The following CHST15 variants were observed in gnomAD, a reference collection of about 807,000 sequenced individuals.
The protein encoded by CHST15 is B cell RAG associated protein (GALNAC4S-6ST).
CHST15 carries 30 observed loss-of-function variants against 53.6 expected under a neutral mutation model. The ratio of observed to expected loss-of-function variants is 0.56; its 90% CI spans 0.42 to 0.76. The LOEUF is 0.76. Among genes scored for constraint, CHST15 ranks in the 30% least tolerant of loss-of-function variants. CHST15 has a pLI of 0.00. For missense variants in CHST15, 627 were observed against 740.5 expected (o/e 0.85, Z 1.78); for synonymous variants, 296 against 289.8 (o/e 1.02, Z -0.22).
rs572231820 is a variant in CHST15, at chr10:124,041,864, C to T, written c.1033+437G>A. Among the ~76,000 whole-genome samples the T allele has an allele frequency of 4.6e-5, 7 of 152,312 alleles. No individual in the cohort carries two copies. The South Asian group carries it at 1.5e-3, about 32-fold the overall frequency. On this transcript the variant is annotated intron_variant, in intron 4 of 7. Coordinates refer to ENST00000435907, the MANE Select transcript of CHST15 (RefSeq NM_001270764.2). ...AGAGCTGAGTCTATTTCAGGAGAAG[C>T]TGCCTCCGTCTTATATGGTCCCAGT...
At position 124,009,713 on chromosome 10, in the gene CHST15, G is replaced by A. The variant is rs965434829; in HGVS notation, c.*436C>T. The A allele has an allele frequency of 3.9e-6, 4 of 1,024,584 alleles. No homozygotes were observed. The highest frequency in any genetic ancestry group is 4.7e-6 in the Non-Finnish European group (4 of 852,944). The allele number at this position is 1,024,584 out of a possible 1,614,324, so 63.5% of individuals were successfully genotyped here. On this transcript the variant is annotated 3_prime_UTR_variant, in exon 8 of 8. Coordinates refer to ENST00000435907, the MANE Select transcript of CHST15 (RefSeq NM_001270764.2). ...CACGGCGAGACCCCATCTCTAGGGG[G>A]AAAAAAAGGGAACGTGAAGTGTAAG...
In CHST15 at chr10:124,063,569, A is replaced by C. The variant is rs564574057; in HGVS notation, c.-512-16845T>G. ...CAAGACACTGAACTTGGATATGCCC[A>C]GTCCATCAAAAATGAATCTTTTTCT... On this transcript the variant is annotated intron_variant, in intron 1 of 7. Transcript: ENST00000435907. Among the ~76,000 whole-genome samples the C allele has an allele frequency of 2.1e-3, 326 of 152,356 alleles. 1 individual carries two copies. Among genetic ancestry groups the C allele is most frequent in the African/African-American group, 7.3e-3 (303 of 41,582 alleles).
chr10:124,071,200 G>A (rs557636093), intron 1 of CHST15, among the ~76,000 whole-genome samples: 8 of 152,350 alleles, frequency 5.3e-5, no homozygotes, highest in African/African-American at 1.4e-4. Context: ...AGCCCAGAGC[G>A]TTAGAGAAGA....
chr10:124,044,046 G>A (rs1057016788), intron 3 of CHST15, among the ~76,000 whole-genome samples: 1 of 151,634 alleles, frequency 6.6e-6, no homozygotes, highest in South Asian at 2.1e-4. Context: ...ACAGAGCCAA[G>A]GAACAGCACA....
intron 5 of CHST15, among the ~76,000 whole-genome samples, chr10:124,027,802 TC>T (rs1162738674): frequency 1.3e-5 from 2 of 152,244 alleles, no homozygotes; most frequent in South Asian, 4.1e-4. Context: ...CCCAGGAAGC[TC>T]CAGGGCAGGG....
chr10:124,038,096 T>G (rs572500337), intron 5 of CHST15, among the ~76,000 whole-genome samples: 2 of 150,510 alleles, frequency 1.3e-5, no homozygotes, highest in Non-Finnish European at 3.0e-5. Context: ...TATTTTTGTT[T>G]GTTTTTATTT....
At chr10:124,090,390 C>G (rs183261686) in intron 1 of CHST15, among the ~76,000 whole-genome samples, 2 of 152,314 alleles carry the variant, frequency 1.3e-5, no homozygotes, top group Admixed American at 1.3e-4. Flanking sequence ...CAGCCCCCTC[C>G]ACTAGCAGGG....
rs1202392790 is a variant in CHST15 at position 124,044,516 on chromosome 10, T to C, written c.886+64A>G. The C allele has an allele frequency of 3.0e-6, 4 of 1,329,618 alleles. No individual in the cohort carries two copies. The East Asian group carries it at 1.1e-4, about 36-fold the overall frequency. The allele number at this position is 1,329,618 out of a possible 1,614,324, so 82.4% of individuals were successfully genotyped here. The stretch of plus-strand genomic sequence containing the variant: ...TCGCCCCCCAACCCCAGCGCTAACG[T>C]TGCGGGAGGAATGAACGAATGAAGG... On this transcript the variant is annotated intron_variant, in intron 3 of 7. Transcript: ENST00000435907.
rs1190411343 is a variant in CHST15 at position 124,066,823 on chromosome 10, G to A, written c.-512-20099C>T. Among the ~76,000 whole-genome samples the A allele has an allele frequency of 8.5e-5, 13 of 152,314 alleles. No individual in the cohort carries two copies. The South Asian group carries it at 1.9e-3, about 22-fold the overall frequency. ...AGCCACAGCTCATTTCCTGGGCTGC[G>A]TCTCCCTGTTCCCCTGAGCAACCAA... On this transcript the variant is annotated intron_variant, in intron 1 of 7. Coordinates refer to ENST00000435907, the MANE Select transcript of CHST15 (RefSeq NM_001270764.2).
At chr10:124,089,228 C>T (rs1470729110) in intron 1 of CHST15, among the ~76,000 whole-genome samples, 1 of 152,224 alleles carries the variant, frequency 6.6e-6, no homozygotes, top group Non-Finnish European at 1.5e-5. Flanking sequence ...TTCCAAATCA[C>T]AAGCTGCTAA....
intron 1 of CHST15, among the ~76,000 whole-genome samples, chr10:124,066,195 G>A (rs967930513): frequency 1.3e-5 from 2 of 152,264 alleles, no homozygotes; most frequent in Admixed American, 1.3e-4. Flanking sequence ...ACTAGATTTG[G>A]GGGTTTAAAA....
In CHST15 at chr10:124,009,727, G is replaced by A. The variant is rs1475148817; in HGVS notation, c.*422C>T. Reference sequence around the variant, plus strand: ...ATCTCTAGGGGGAAAAAAAGGGAACGTGAAGTGTAAGTTCCAGCCAGGCCT... The same window carrying A: ...ATCTCTAGGGGGAAAAAAAGGGAACATGAAGTGTAAGTTCCAGCCAGGCCT... On this transcript the variant is annotated 3_prime_UTR_variant, in exon 8 of 8. Transcript: ENST00000435907. 8 of 1,026,574 alleles carry A rather than the reference G, an allele frequency of 7.8e-6. No individual in the cohort carries two copies. The highest frequency in any genetic ancestry group is 5.0e-5 in the Admixed American group (1 of 19,814). 63.6% of individuals were successfully genotyped at this position (1,026,574 alleles called of 1,614,324 possible).
intron 6 of CHST15, chr10:124,020,354 A>G (rs1946729486): frequency 1.0e-6 from 1 of 985,316 alleles, no homozygotes; most frequent in African/African-American, 1.7e-5. Context: ...CCTACCTGGC[A>G]CCAGAGCAGG....
At chr10:124,021,593 C>T (rs192095570) in intron 5 of CHST15, among the ~76,000 whole-genome samples, 181 bp from the exon 6 acceptor site, 155 of 152,288 alleles carry the variant, frequency 1.0e-3, no homozygotes, top group African/African-American at 3.2e-3. Flanking sequence ...CCGCCCTTCT[C>T]GTGGCCACCT....
chr10:124,035,861 C>T (rs1006558058), intron 5 of CHST15, among the ~76,000 whole-genome samples: 3 of 152,234 alleles, frequency 2.0e-5, no homozygotes, highest in African/African-American at 7.2e-5. Flanking sequence ...TCACCTCCTA[C>T]TCTGCAGAAC....
chr10:124,080,521 C>G (rs1163546986), intron 1 of CHST15, among the ~76,000 whole-genome samples: 2 of 152,198 alleles, frequency 1.3e-5, no homozygotes, highest in Non-Finnish European at 2.9e-5. Context: ...CACTGGGACC[C>G]TGTGTGTCTA....
intron 1 of CHST15, among the ~76,000 whole-genome samples, chr10:124,086,133 C>G (rs1217645249): frequency 2.0e-5 from 3 of 152,230 alleles, no homozygotes; most frequent in Non-Finnish European, 2.9e-5. Flanking sequence ...TCACCATTAC[C>G]TCAATCATGC....
At chr10:124,014,948 C>T (rs1477625528) in intron 6 of CHST15, among the ~76,000 whole-genome samples, 2 of 152,156 alleles carry the variant, frequency 1.3e-5, no homozygotes, top group East Asian at 1.9e-4. Flanking sequence ...AGCCAGGAAG[C>T]GGAGGAAAAG....
chr10:124,009,979 T>G lies in CHST15; in HGVS notation c.*170A>C. Reference sequence around the variant, plus strand: ...CTGTGAGGGGTCCATTGCTGAGCTCTCGAACATCACGAAGGAAATTCCAAA... The same window carrying G: ...CTGTGAGGGGTCCATTGCTGAGCTCGCGAACATCACGAAGGAAATTCCAAA... On this transcript the variant is annotated 3_prime_UTR_variant, in exon 8 of 8. Transcript: ENST00000435907. 1 of 1,456,678 alleles carries G rather than the reference T, an allele frequency of 6.9e-7. No individual in the cohort carries two copies. The highest frequency in any genetic ancestry group is 9.0e-7 in the Non-Finnish European group (1 of 1,108,386). The allele number at this position is 1,456,678 out of a possible 1,614,324, so 90.2% of individuals were successfully genotyped here. A position where few individuals can be genotyped will look rare whatever the true frequency, so the allele number is the denominator to read the frequency against.
Sources: gnomAD v4.1 joint callset for allele counts (sites outside exome capture counted in the v4.1 genomes callset) on GRCh38, gnomAD v4.1.1 for gene constraint, MANE v1.5 for transcripts, NCBI Gene and HGNC (gene_info 2026-07-23, HGNC 2026-07-21) for gene names.